PTPRM: variants seen among roughly 807,000 people sequenced by gnomAD.
PTPRM encodes the protein receptor-type tyrosine-protein phosphatase mu.
Under a neutral mutation model 186.7 loss-of-function variants are expected in PTPRM, and 47 were observed. The observed-to-expected ratio is 0.25, with a 90% CI of 0.20 to 0.32. The LOEUF (loss-of-function observed/expected upper bound fraction) is 0.32, where lower values mean the gene tolerates loss of function less well. Among genes scored for constraint, PTPRM ranks in the 10% least tolerant of loss-of-function variants. The pLI, the probability that PTPRM is intolerant of heterozygous loss-of-function variation, is 1.00. For missense variants in PTPRM, 1,494 were observed against 1,865.0 expected (o/e 0.80, Z 3.66); for synonymous variants, 668 against 674.9 (o/e 0.99, Z 0.16).
chr18:7,671,988 C>T (rs1230188867), intron 1 of PTPRM, among the ~76,000 whole-genome samples: 1 of 152,168 alleles, frequency 6.6e-6, no homozygotes, highest in Non-Finnish European at 1.5e-5. Flanking sequence ...AATCTCCCTC[C>T]TCAAAGCATT....
At chr18:8,249,151 T>C (rs2094504474) in intron 17 of PTPRM, among the ~76,000 whole-genome samples, 1 of 152,226 alleles carries the variant, frequency 6.6e-6, no homozygotes, top group African/African-American at 2.4e-5. Flanking sequence ...GTTCGACTTC[T>C]CCTTCCTAAT....
intron 22 of PTPRM, among the ~76,000 whole-genome samples, chr18:8,323,583 C>A (rs918703119): frequency 3.3e-5 from 5 of 152,176 alleles, no homozygotes; most frequent in African/African-American, 9.7e-5. Context: ...TCATTTCTTT[C>A]TTTCTGAACT....
chr18:7,958,225 A>C (rs1225180377), intron 7 of PTPRM, among the ~76,000 whole-genome samples: 2 of 151,962 alleles, frequency 1.3e-5, no homozygotes, highest in East Asian at 3.9e-4. Flanking sequence ...AAAAAAAAAA[A>C]ATCCTAAAAT....
intron 19 of PTPRM, among the ~76,000 whole-genome samples, chr18:8,273,554 C>T (rs1002427320): frequency 2.6e-5 from 4 of 152,202 alleles, no homozygotes; most frequent in African/African-American, 9.7e-5. Flanking sequence ...GCATCTTCCT[C>T]CACAGCTCCT....
intron 14 of PTPRM, among the ~76,000 whole-genome samples, chr18:8,200,570 G>A (rs779229354): frequency 5.3e-5 from 8 of 152,230 alleles, no homozygotes; most frequent in East Asian, 1.9e-4. Flanking sequence ...CACACCGCAC[G>A]CAGCCCATCT....
intron 2 of PTPRM, among the ~76,000 whole-genome samples, chr18:7,833,428 G>A (rs922050272): frequency 6.6e-6 from 1 of 152,064 alleles, no homozygotes; most frequent in African/African-American, 2.4e-5. Flanking sequence ...CACTCTTGGT[G>A]TATAGGAATG....
chr18:7,825,030 C>T (rs764411091), intron 2 of PTPRM, among the ~76,000 whole-genome samples: 2 of 152,166 alleles, frequency 1.3e-5, no homozygotes, highest in Non-Finnish European at 2.9e-5. Flanking sequence ...TCTCTTAGTT[C>T]AACTAGCATC....
At chr18:8,126,027 A>ATATATATT (rs57751538) in intron 13 of PTPRM, among the ~76,000 whole-genome samples, 3 of 69,536 alleles carry the variant, frequency 4.3e-5, no homozygotes, top group African/African-American at 4.7e-5. Context: ...ATATATATAT[A>ATATATATT]TTTTAAATCA....
chr18:8,081,460 T>C (rs183671275), intron 9 of PTPRM, among the ~76,000 whole-genome samples: 1 of 152,350 alleles, frequency 6.6e-6, no homozygotes, highest in African/African-American at 2.4e-5. Flanking sequence ...GTACAGAAGC[T>C]TCCAGACTTC....
chr18:7,864,905 T>TCCTTCA (rs1567936516), intron 2 of PTPRM, among the ~76,000 whole-genome samples: 1 of 152,188 alleles, frequency 6.6e-6, no homozygotes, highest in Admixed American at 6.5e-5. Context: ...TTGGAAGAGG[T>TCCTTCA]CCTTCACATC....
chr18:7,802,455 A>G (rs904266681), intron 2 of PTPRM, among the ~76,000 whole-genome samples: 4 of 152,096 alleles, frequency 2.6e-5, no homozygotes, highest in African/African-American at 7.2e-5. Context: ...TTCATGGAGG[A>G]TTACCACTGA....
At chr18:7,824,303 C>T (rs911241619) in intron 2 of PTPRM, among the ~76,000 whole-genome samples, 2 of 152,110 alleles carry the variant, frequency 1.3e-5, no homozygotes, top group Admixed American at 6.5e-5. Context: ...CACTGTTCTG[C>T]GGGTGACATC....
intron 2 of PTPRM, among the ~76,000 whole-genome samples, chr18:7,846,623 C>T (rs1291171016): frequency 6.6e-6 from 1 of 152,184 alleles, no homozygotes; most frequent in Non-Finnish European, 1.5e-5. Flanking sequence ...TCCTGGGTTC[C>T]CCAATGAATT....
At chr18:7,706,531 G>A (rs1057131116) in intron 1 of PTPRM, among the ~76,000 whole-genome samples, 4 of 144,936 alleles carry the variant, frequency 2.8e-5, no homozygotes, top group East Asian at 4.3e-4. Flanking sequence ...GGGCCTGGGA[G>A]GTCAAAGCTT....
Position 7,899,343 on chromosome 18 carries a change from G to A in PTPRM, c.469-7162G>A, listed in dbSNP as rs150760893. ...ATTTTTTGCTGCTCTGTGCATGTCC[G>A]CAGATACCATGAAAGCTTTGCAAGT... On this transcript the variant is annotated intron_variant, in intron 3 of 32. Coordinates refer to ENST00000580170, the MANE Select transcript of PTPRM (RefSeq NM_001105244.2). 1.8e-3 allele frequency among the ~76,000 whole-genome samples: 275 copies of A among 152,274 alleles called. 1 individual carries two copies. Among genetic ancestry groups the A allele is most frequent in the African/African-American group, 6.3e-3 (263 of 41,568 alleles).
chr18:8,022,087 A>G (rs1460319171), intron 7 of PTPRM, among the ~76,000 whole-genome samples: 1 of 152,192 alleles, frequency 6.6e-6, no homozygotes, highest in African/African-American at 2.4e-5. Flanking sequence ...CATAGGGAGA[A>G]CTGGTCTAGG....
intron 4 of PTPRM, among the ~76,000 whole-genome samples, chr18:7,916,478 G>A (rs1164708133): frequency 6.6e-6 from 1 of 152,080 alleles, no homozygotes; most frequent in Non-Finnish European, 1.5e-5. Flanking sequence ...TACAGTTCTG[G>A]AGCCTGGAAG....
chr18:8,350,096 C>G (rs924653382), intron 23 of PTPRM, among the ~76,000 whole-genome samples: 2 of 152,210 alleles, frequency 1.3e-5, no homozygotes, highest in African/African-American at 4.8e-5. Flanking sequence ...AGCTACAGCT[C>G]TGAGTCACAA....
At chr18:8,392,607 A>G (rs893405951) in intron 31 of PTPRM, among the ~76,000 whole-genome samples, 25 of 151,968 alleles carry the variant, frequency 1.6e-4, no homozygotes, top group African/African-American at 5.3e-4. Flanking sequence ...AGCCTGGGTG[A>G]CAGAGTGAGA....
Sources: gnomAD v4.1 joint callset for allele counts (sites outside exome capture counted in the v4.1 genomes callset) on GRCh38, gnomAD v4.1.1 for gene constraint, MANE v1.5 for transcripts, NCBI Gene and HGNC (gene_info 2026-07-23, HGNC 2026-07-21) for gene names.